ASTN2: variants seen among roughly 807,000 people sequenced by gnomAD.
ASTN2 encodes astrotactin-2.
A neutral mutation model predicts 139.8 loss-of-function variants in ASTN2; 54 were observed. That is an observed-to-expected ratio of 0.39 (90% CI 0.31 to 0.48). The LOEUF is 0.48. Among genes scored for constraint, ASTN2 ranks in the 20% least tolerant of loss-of-function variants. ASTN2 has a pLI of 0.95. For synonymous variants in ASTN2, 756 were observed against 719.5 expected, an observed-to-expected ratio of 1.05 and a Z score of -0.81; for missense variants, 1,565 against 1,725.1, an observed-to-expected ratio of 0.91 and a Z score of 1.64.
Position 117,414,527 on chromosome 9 carries a change from C to T in ASTN2, c.412G>A (p.Asp138Asn). 6.2e-7 allele frequency: 1 copy of T among 1,609,070 alleles called. No individual in the cohort carries two copies. Among genetic ancestry groups the T allele is most frequent in the Non-Finnish European group, 8.5e-7 (1 of 1,178,290 alleles). The stretch of plus-strand genomic sequence containing the variant: ...GTGAAGAAGGGCAGCTCGGTGTTGT[C>T]CAGGTCGTCCTGCACCGCGATGCGC... ...PGRIAVQDDL[D>N]NTELPFFTLE... Residue 138 changes from aspartate (D) to asparagine (N), a missense_variant, in exon 1 of 23, where the codon GAC (aspartate) becomes AAC (asparagine). This residue lies in a region of ASTN2 where 596 missense variants were observed against 576.8 expected (regional missense o/e 1.03). Coordinates refer to ENST00000313400, the MANE Select transcript of ASTN2 (RefSeq NM_001365068.1). The surrounding 1 kb of genome is among the most constrained non-coding windows in gnomAD (Gnocchi z 4.2).
intron 1 of ASTN2, among the ~76,000 whole-genome samples, chr9:117,357,424 A>G (rs1039703459): frequency 6.6e-4 from 100 of 152,196 alleles, no homozygotes; most frequent in African/African-American, 2.3e-3. Context: ...GTGGAGCACA[A>G]ATGAACTAAT....
chr9:116,808,326 G>T (rs142873568), intron 12 of ASTN2, among the ~76,000 whole-genome samples: 9 of 150,830 alleles, frequency 6.0e-5, no homozygotes, highest in Admixed American at 4.0e-4. Context: ...TGTGTATACA[G>T]AAACATTTCT....
At chr9:116,570,763 G>A (rs1202448551) in intron 19 of ASTN2, among the ~76,000 whole-genome samples, 1 of 152,150 alleles carries the variant, frequency 6.6e-6, no homozygotes, top group Non-Finnish European at 1.5e-5. Flanking sequence ...TTGAGAAAGT[G>A]TGCTCATCTG....
At chr9:116,721,955 C>T (rs1828484096) in intron 16 of ASTN2, among the ~76,000 whole-genome samples, 1 of 152,066 alleles carries the variant, frequency 6.6e-6, no homozygotes, top group South Asian at 2.1e-4. Context: ...CTAGAATAGA[C>T]ATTACCAACT....
At chr9:117,194,361 G>T (rs1294907694) in intron 3 of ASTN2, among the ~76,000 whole-genome samples, 2 of 152,188 alleles carry the variant, frequency 1.3e-5, no homozygotes, top group Non-Finnish European at 2.9e-5. Flanking sequence ...CTCTAAGAAA[G>T]AGGTTTTTAA....
At chr9:116,654,620 G>A (rs191019845) in intron 16 of ASTN2, among the ~76,000 whole-genome samples, 5 of 152,274 alleles carry the variant, frequency 3.3e-5, no homozygotes, top group Non-Finnish European at 7.4e-5. Flanking sequence ...TTTTAAAGAA[G>A]AGAAAAGTGT....
chr9:117,195,261 C>T (rs187534086), intron 3 of ASTN2, among the ~76,000 whole-genome samples: 1 of 152,144 alleles, frequency 6.6e-6, no homozygotes, highest in Non-Finnish European at 1.5e-5. Context: ...GAGAGCCATC[C>T]ATGCCCTGAC....
chr9:117,046,362 G>A (rs972212806), intron 5 of ASTN2, among the ~76,000 whole-genome samples: 3 of 152,082 alleles, frequency 2.0e-5, no homozygotes, highest in Non-Finnish European at 2.9e-5. Flanking sequence ...ACCTGCCTAA[G>A]TTCTGGCAAG....
intron 10 of ASTN2, among the ~76,000 whole-genome samples, chr9:116,941,685 T>C (rs931569293): frequency 6.6e-6 from 1 of 151,502 alleles, no homozygotes; most frequent in Non-Finnish European, 1.5e-5. Context: ...AGTTGACATA[T>C]AAAATTAACC....
intron 2 of ASTN2, among the ~76,000 whole-genome samples, chr9:117,242,500 T>A (rs906841737): frequency 6.6e-6 from 1 of 152,140 alleles, no homozygotes; most frequent in Admixed American, 6.6e-5. Flanking sequence ...GGTTTTATCA[T>A]CCACTGTTAG....
intron 7 of ASTN2, among the ~76,000 whole-genome samples, chr9:117,003,579 G>A (rs939121624): frequency 4.1e-5 from 5 of 122,812 alleles, no homozygotes; most frequent in African/African-American, 1.2e-4. Flanking sequence ...GCTATTGGTG[G>A]AAGAGTGCCT....
chr9:117,076,199 G>A (rs1408011101), intron 5 of ASTN2, among the ~76,000 whole-genome samples: 1 of 152,172 alleles, frequency 6.6e-6, no homozygotes, highest in Non-Finnish European at 1.5e-5. Flanking sequence ...GAGCTTCGTG[G>A]ACACCTGGTA....
chr9:117,161,386 C>T (rs891157266), intron 3 of ASTN2, among the ~76,000 whole-genome samples: 18 of 151,852 alleles, frequency 1.2e-4, no homozygotes, highest in African/African-American at 2.2e-4. Flanking sequence ...AAAGAAAAGG[C>T]GTTTTTTTTC....
At chr9:116,747,486 C>T (rs145529114) in intron 13 of ASTN2, among the ~76,000 whole-genome samples, 2 of 152,276 alleles carry the variant, frequency 1.3e-5, no homozygotes, top group African/African-American at 4.8e-5. Flanking sequence ...CCAACCCTCT[C>T]AACAACCTTG....
intron 10 of ASTN2, among the ~76,000 whole-genome samples, chr9:116,944,708 A>G (rs570456652): frequency 1.4e-5 from 2 of 148,080 alleles, no homozygotes; most frequent in African/African-American, 2.5e-5. Flanking sequence ...AAAAAAGCAG[A>G]TGCAAAGATA....
At chr9:117,137,038 G>T (rs1041072778) in intron 4 of ASTN2, among the ~76,000 whole-genome samples, 11 of 151,460 alleles carry the variant, frequency 7.3e-5, no homozygotes, top group Non-Finnish European at 1.2e-4. Context: ...TACATCCAAA[G>T]AAATCTTCCT....
chr9:116,573,022 C>T (rs1037902321), intron 19 of ASTN2, among the ~76,000 whole-genome samples: 3 of 151,780 alleles, frequency 2.0e-5, no homozygotes, highest in African/African-American at 7.3e-5. Context: ...TGCACACACA[C>T]ACACACACAC....
At chr9:116,762,878 G>C (rs984483840) in intron 13 of ASTN2, among the ~76,000 whole-genome samples, 7 of 152,174 alleles carry the variant, frequency 4.6e-5, no homozygotes, top group African/African-American at 1.7e-4. Context: ...CCCTACTTCA[G>C]ACATATTGAC....
At position 116,739,113 on chromosome 9, in the gene ASTN2, C is replaced by A. The variant is rs559772805; in HGVS notation, c.2397-5590G>T. ...TCGACATTCTAGGGAAACAATTCAT[C>A]GATTCTAAAATAGTAGATCTTGGGC... On this transcript the variant is annotated intron_variant, in intron 13 of 22. Transcript: ENST00000313400. Among the ~76,000 whole-genome samples the A allele has an allele frequency of 2.6e-5, 4 of 152,178 alleles. 1 individual carries two copies. In the South Asian group the frequency reaches 8.3e-4, roughly 32 times the overall value.
Sources: gnomAD v4.1 joint callset for allele counts (sites outside exome capture counted in the v4.1 genomes callset) on GRCh38, gnomAD v4.1.1 for gene constraint, gnomAD v4.1.1 regional missense constraint, Gnocchi (gnomAD v3.1) non-coding constraint, MANE v1.5 for transcripts, NCBI Gene and HGNC (gene_info 2026-07-23, HGNC 2026-07-21) for gene names.